The following C4orf51 variants were observed in gnomAD, a reference collection of about 807,000 sequenced individuals.
C4orf51 encodes the protein chromosome 4 open reading frame 51, also known as uncharacterized protein C4orf51.
Under a neutral mutation model 25.2 loss-of-function variants are expected in C4orf51, and 25 were observed. That is an observed-to-expected ratio of 0.99 (90% confidence interval 0.72 to 1.39). C4orf51 has a LOEUF of 1.39. C4orf51 is among the 40% of genes most tolerant of loss of function. The pLI, the probability that C4orf51 is intolerant of heterozygous loss-of-function variation, is 0.00. For synonymous variants in C4orf51, 100 were observed against 84.5 expected (o/e 1.18, Z -1.01); for missense variants, 252 against 239.6 (o/e 1.05, Z -0.34).
chr4:145,730,857 A>G (rs1732419342), intron 5 of C4orf51, among the ~76,000 whole-genome samples: 2 of 152,358 alleles, frequency 1.3e-5, no homozygotes, highest in Admixed American at 1.3e-4. Flanking sequence ...CGCTAATGGG[A>G]GAGGGTTGGA....
At position 145,729,789 on chromosome 4, in the gene C4orf51, GAT is replaced by G. The variant is rs966370884; in HGVS notation, c.428-102_428-101del. On this transcript the variant is annotated intron_variant, in intron 4 of 5. Coordinates refer to ENST00000438731, the MANE Select transcript of C4orf51 (RefSeq NM_001080531.3). ...AGGGGGCTGTGTATGTGAAGGTTTG[GAT>G]CTATTGATTTAAAACAAGGTTTGGG... The G allele has an allele frequency of 2.7e-5, 25 of 911,746 alleles. No homozygotes were observed. In the African/African-American group the frequency reaches 3.7e-4, roughly 14 times the overall value. 56.5% of individuals were successfully genotyped at this position (911,746 alleles called of 1,614,324 possible). A position where few individuals can be genotyped will look rare whatever the true frequency, so the allele number is the denominator to read the frequency against.
intron 1 of C4orf51, among the ~76,000 whole-genome samples, chr4:145,683,341 A>G (rs1408715831): frequency 4.6e-5 from 7 of 152,224 alleles, no homozygotes; most frequent in South Asian, 2.1e-4. Context: ...AAATTTGTCT[A>G]TAGATTAAAT....
Position 145,730,514 on chromosome 4 carries a change from G to T in C4orf51, c.501+549G>T, listed in dbSNP as rs79992093. 1.8e-3 allele frequency among the ~76,000 whole-genome samples: 280 copies of T among 152,214 alleles called. 1 individual carries two copies. The highest frequency in any genetic ancestry group is 6.5e-3 in the African/African-American group (271 of 41,518). The stretch of plus-strand genomic sequence containing the variant: ...AATGGGGTTCTTTTTATGTCTTAAA[G>T]TTCTGGCAGACATTCTTAGAGAGTA... On this transcript the variant is annotated intron_variant, in intron 5 of 5. Transcript: ENST00000438731.
chr4:145,765,406 C>T lies in C4orf51; in HGVS notation n.167-5582C>T. 3 of 1,136,050 alleles carry T rather than the reference C, an allele frequency of 2.6e-6. No individual in the cohort carries two copies. Among genetic ancestry groups the T allele is most frequent in the East Asian group, 5.2e-5 (2 of 38,608 alleles). 70.4% of individuals were successfully genotyped at this position (1,136,050 alleles called of 1,614,324 possible). A position where few individuals can be genotyped will look rare whatever the true frequency, so the allele number is the denominator to read the frequency against. The stretch of plus-strand genomic sequence containing the variant: ...GATTCAAATTAAGCCAAAAGAAATA[C>T]AACCTTTAGGTGAGGCCCAGCATAC... On this transcript the variant is annotated intron_variant and non_coding_transcript_variant, in intron 1 of 1. Transcript: ENST00000510096. The surrounding 1 kb of genome is among the most constrained non-coding windows in gnomAD (Gnocchi z 4.7).
chr4:145,752,481 C>G (rs937571112), intron 1 of C4orf51, among the ~76,000 whole-genome samples: 1 of 152,178 alleles, frequency 6.6e-6, no homozygotes, highest in Non-Finnish European at 1.5e-5. Flanking sequence ...ATGACTCTGC[C>G]CAGTGCCCTG....
chr4:145,703,573 A>T (rs540843209), intron 2 of C4orf51, among the ~76,000 whole-genome samples: 1 of 152,250 alleles, frequency 6.6e-6, no homozygotes, highest in South Asian at 2.1e-4. Flanking sequence ...CACTTCGTTG[A>T]TAGTTTCCTT....
intron 1 of C4orf51, among the ~76,000 whole-genome samples, chr4:145,751,568 A>G (rs534580491): frequency 6.6e-6 from 1 of 152,324 alleles, no homozygotes; most frequent in South Asian, 2.1e-4. Flanking sequence ...CACTGGGACT[A>G]CACTGGGTCA....
chr4:145,782,639 C>T, the C4orf51 span, among the ~76,000 whole-genome samples: 182 of 152,302 alleles, frequency 1.2e-3, no homozygotes, highest in African/African-American at 4.1e-3. Context: ...AGCCCTTCCT[C>T]ACCTCACAGA....
intron 1 of C4orf51, among the ~76,000 whole-genome samples, chr4:145,683,745 T>C (rs1728973801): frequency 6.6e-6 from 1 of 152,054 alleles, no homozygotes; most frequent in African/African-American, 2.4e-5. Context: ...AAAAATTAAC[T>C]CAAAATGGAT....
intron 2 of C4orf51, among the ~76,000 whole-genome samples, chr4:145,703,953 T>C (rs1730631496): frequency 6.6e-6 from 1 of 152,226 alleles, no homozygotes; most frequent in South Asian, 2.1e-4. Flanking sequence ...TAAAAATTTA[T>C]TTAACATGCA....
intron 1 of C4orf51, among the ~76,000 whole-genome samples, chr4:145,684,679 G>A (rs2126653475): frequency 6.6e-6 from 1 of 152,258 alleles, no homozygotes; most frequent in Non-Finnish European, 1.5e-5. Context: ...TTGATAGTGG[G>A]GAGGCTATGA....
chr4:145,773,682 C>T (rs1430972964), downstream of C4orf51, among the ~76,000 whole-genome samples: 2 of 152,202 alleles, frequency 1.3e-5, no homozygotes, highest in Non-Finnish European at 2.9e-5. Context: ...AAGAAGTTAA[C>T]CAGAATGGCA....
Position 145,766,487 on chromosome 4 carries a change from T to G in C4orf51, n.167-4501T>G, listed in dbSNP as rs1579086081. ...CCATATGACTGATCAGTTTCCTGCCTTGAGACTCTCCAGGCTTCATTGCAG... is the reference window on the plus strand; with the variant it reads ...CCATATGACTGATCAGTTTCCTGCCGTGAGACTCTCCAGGCTTCATTGCAG... On this transcript the variant is annotated intron_variant and non_coding_transcript_variant, in intron 1 of 1. Transcript: ENST00000510096. Among the ~76,000 whole-genome samples, 3 of 152,328 alleles carry G rather than the reference T, an allele frequency of 2.0e-5. No individual in the cohort carries two copies. In the East Asian group the frequency reaches 5.8e-4, roughly 29 times the overall value.
intron 2 of C4orf51, among the ~76,000 whole-genome samples, chr4:145,700,889 G>C (rs1195640433): frequency 6.6e-6 from 1 of 151,978 alleles, no homozygotes; most frequent in African/African-American, 2.4e-5. Flanking sequence ...TCCAGCTTAC[G>C]GTTTAATTCC....
chr4:145,727,634 G>A (rs773032737), intron 3 of C4orf51, among the ~76,000 whole-genome samples: 15 of 151,676 alleles, frequency 9.9e-5, no homozygotes, highest in Non-Finnish European at 8.8e-5. Flanking sequence ...CCAGCACTTT[G>A]GGAGGCCAAG....
chr4:145,720,054 T>C (rs889642172), intron 2 of C4orf51, among the ~76,000 whole-genome samples: 1 of 152,116 alleles, frequency 6.6e-6, no homozygotes, highest in Non-Finnish European at 1.5e-5. Context: ...GGTTGGATCA[T>C]TTCCAAAGCT....
downstream of C4orf51, chr4:145,774,819 A>G (rs1437679351): frequency 8.5e-6 from 8 of 939,258 alleles, no homozygotes; most frequent in Non-Finnish European, 1.3e-5. Flanking sequence ...TGCATTAGAA[A>G]ATTCTTCTGC....
the C4orf51 span, among the ~76,000 whole-genome samples, chr4:145,787,620 T>G: frequency 6.6e-6 from 1 of 152,058 alleles, no homozygotes; most frequent in African/African-American, 2.4e-5. Context: ...AAAGTAGAAT[T>G]TTGCATTACT....
chr4:145,751,003 C>T (rs1044775703), intron 1 of C4orf51, among the ~76,000 whole-genome samples: 2 of 151,868 alleles, frequency 1.3e-5, no homozygotes, highest in African/African-American at 4.8e-5. Flanking sequence ...TTTTTATTTC[C>T]ATCTTTGCTA....
Sources: gnomAD v4.1 joint callset for allele counts (sites outside exome capture counted in the v4.1 genomes callset) on GRCh38, gnomAD v4.1.1 for gene constraint, Gnocchi (gnomAD v3.1) non-coding constraint, MANE v1.5 for transcripts, NCBI Gene and HGNC (gene_info 2026-07-23, HGNC 2026-07-21) for gene names.